Variants in TECTB observed in about 807,000 individuals in gnomAD.
TECTB encodes tectorin beta.
A neutral mutation model predicts 43.3 loss-of-function variants in TECTB; 45 were observed. That is an observed-to-expected ratio of 1.04 (90% CI 0.82 to 1.33). The LOEUF is 1.33. Among genes scored for constraint, TECTB ranks in the 40% most tolerant of loss-of-function variants. The pLI is 0.00. For synonymous variants in TECTB, 169 were observed against 156.7 expected, an observed-to-expected ratio of 1.08 and a Z score of -0.59; for missense variants, 399 against 404.7, an observed-to-expected ratio of 0.99 and a Z score of 0.12.
intron 9 of TECTB, among the ~76,000 whole-genome samples, chr10:112,301,293 A>C (rs1446112434): frequency 6.6e-6 from 1 of 151,994 alleles, no homozygotes; most frequent in Non-Finnish European, 1.5e-5. Context: ...TTGTAGTCCC[A>C]GTACTTGGGA....
At chr10:112,297,937 C>T in intron 7 of TECTB, 132 bp from the exon 8 acceptor site, 2 of 1,172,872 alleles carry the variant, frequency 1.7e-6, no homozygotes, top group Non-Finnish European at 2.5e-6. Context: ...AAGTGAGGTG[C>T]TGCTAATCAA....
At chr10:112,297,938 T>C in intron 7 of TECTB, 131 bp from the exon 8 acceptor site, 2 of 1,196,018 alleles carry the variant, frequency 1.7e-6, no homozygotes, top group Non-Finnish European at 2.4e-6. Flanking sequence ...AGTGAGGTGC[T>C]GCTAATCAAA....
At chr10:112,300,222 G>GAAAGAAAA in intron 9 of TECTB, among the ~76,000 whole-genome samples, 3 of 64,652 alleles carry the variant, frequency 4.6e-5, no homozygotes, top group Admixed American at 4.2e-4. Flanking sequence ...CAGACAGACA[G>GAAAGAAAA]AAAGAAATAA....
chr10:112,286,329 G>A lies in TECTB; in HGVS notation c.421G>A (p.Val141Ile). The change falls in exon 5 of 11, where the codon GTT becomes ATT. Residue 141 changes from valine to isoleucine, a missense_variant. Physicochemically the swap from Val to Ile is conservative, Grantham distance 29. Coordinates refer to ENST00000646139, the MANE Select transcript of TECTB (RefSeq NM_058222.3). ...CTCTCCCCTTTTCAGAGTGGCCACT[G>A]TTCACGTGAAGAACGGGAGCATGGG... ...QAAFDQRVAT[V>I]HVKNGSMGTF... 6.2e-7 allele frequency: 1 copy of A among 1,612,206 alleles called. No homozygotes were observed. Among genetic ancestry groups the A allele is most frequent in the Non-Finnish European group, 8.5e-7 (1 of 1,178,366 alleles).
At chr10:112,300,118 C>T (rs1176666768) in intron 9 of TECTB, among the ~76,000 whole-genome samples, 7 of 146,210 alleles carry the variant, frequency 4.8e-5, no homozygotes, top group African/African-American at 7.6e-5. Context: ...GCTGAGATCG[C>T]GCCATTGTAC....
chr10:112,301,780 G>T (rs574740577), intron 9 of TECTB, among the ~76,000 whole-genome samples: 4 of 152,068 alleles, frequency 2.6e-5, no homozygotes, highest in Non-Finnish European at 4.4e-5. Flanking sequence ...TGTCGCCCAG[G>T]TTGGAGTGCA....
At chr10:112,283,538 A>C in intron 1 of TECTB, 42 bp downstream of exon 1, 1 of 583,842 alleles carries the variant, frequency 1.7e-6, no homozygotes, top group Non-Finnish European at 3.0e-6. Context: ...AACAGGAAAC[A>C]ATTAGAAACG....
At chr10:112,299,010 C>G (rs2133356721) in intron 8 of TECTB, among the ~76,000 whole-genome samples, 1 of 152,126 alleles carries the variant, frequency 6.6e-6, no homozygotes, top group African/African-American at 2.4e-5. Flanking sequence ...GCACAAACAG[C>G]AAAAGGGAAA....
At chr10:112,295,445 G>A (rs767087877) in intron 7 of TECTB, among the ~76,000 whole-genome samples, 1 of 152,202 alleles carries the variant, frequency 6.6e-6, no homozygotes, top group Non-Finnish European at 1.5e-5. Context: ...GTCCAGAAAT[G>A]TGCCCAAGAT....
Position 112,304,551 on chromosome 10 carries a change from T to A in TECTB, c.*1239T>A, listed in dbSNP as rs1165320279. 1.3e-5 allele frequency: 2 copies of A among 152,262 alleles called. No individual in the cohort carries two copies. The highest frequency in any genetic ancestry group is 1.3e-4 in the Admixed American group (2 of 15,288). The allele number at this position is 152,262 out of a possible 1,614,324, so 9.4% of individuals were successfully genotyped here. A position where few individuals can be genotyped will look rare whatever the true frequency, so the allele number is the denominator to read the frequency against. On this transcript the variant is annotated 3_prime_UTR_variant, in exon 11 of 11. Transcript: ENST00000646139. ...AAAGGCAGAGTTCTAAGTCCTTAGT[T>A]ATGTAAAGACTTAATTAGTAGGCTT...
rs765044644 is a variant in TECTB, at chr10:112,299,518, G to T, written c.861G>T (p.Leu287=). The T allele has an allele frequency of 1.2e-6, 2 of 1,614,232 alleles. No homozygotes were observed. The highest frequency in any genetic ancestry group is 1.7e-6 in the Non-Finnish European group (2 of 1,180,032). ...CCTGCGATAAACGGAAGCGCCTCCT[G>T]CGAGACCAGACCGGGGGAGTCCTGG... is the stretch of plus-strand genomic sequence containing the variant. ...PVTCDKRKRL[L]RDQTGGVLVV... Residue 287 remains leucine, a synonymous_variant, in exon 9 of 11, where the codon CTG becomes CTT. Coordinates refer to ENST00000646139, the MANE Select transcript of TECTB (RefSeq NM_058222.3).
At chr10:112,302,355 A>G in intron 10 of TECTB, 1 of 497,852 alleles carries the variant, frequency 2.0e-6, no homozygotes, top group Non-Finnish European at 3.5e-6. Flanking sequence ...AAATCGGATG[A>G]AGCAGAACTG....
At chr10:112,292,503 T>C (rs916879852) in intron 5 of TECTB, among the ~76,000 whole-genome samples, 1 of 152,092 alleles carries the variant, frequency 6.6e-6, no homozygotes, top group Admixed American at 6.5e-5. Context: ...GGTGTAATCT[T>C]GGCTCATGGC....
chr10:112,299,657 T>C, intron 9 of TECTB, 93 bp downstream of exon 9: 5 of 1,423,074 alleles, frequency 3.5e-6, no homozygotes, highest in Non-Finnish European at 3.9e-6. Context: ...TTTTACTGAA[T>C]TGCCAAACCA....
At chr10:112,301,332 G>A (rs964830296) in intron 9 of TECTB, among the ~76,000 whole-genome samples, 2 of 151,870 alleles carry the variant, frequency 1.3e-5, no homozygotes, top group Middle Eastern at 3.2e-3. Flanking sequence ...ACTTGAACCT[G>A]GGAGGCAGAG....
At chr10:112,299,418 C>T in intron 8 of TECTB, 74 bp from the exon 9 acceptor site, 2 of 1,421,298 alleles carry the variant, frequency 1.4e-6, no homozygotes, top group Non-Finnish European at 2.0e-6. Flanking sequence ...TCTTTTCTTT[C>T]TCTTTTCTCC....
intron 5 of TECTB, among the ~76,000 whole-genome samples, chr10:112,293,125 C>G (rs1315886303): frequency 6.6e-6 from 1 of 152,238 alleles, no homozygotes; most frequent in Non-Finnish European, 1.5e-5. Flanking sequence ...TACTTACTTA[C>G]TGTTTGTCTC....
chr10:112,295,873 T>C (rs1037206386), intron 7 of TECTB, among the ~76,000 whole-genome samples: 1 of 152,188 alleles, frequency 6.6e-6, no homozygotes, highest in Non-Finnish European at 1.5e-5. Context: ...TTGGGTGGTC[T>C]GCACAATTGT....
chr10:112,300,234 G>GAA (rs1457777701), intron 9 of TECTB, among the ~76,000 whole-genome samples: 3 of 34,256 alleles, frequency 8.8e-5, no homozygotes, highest in Non-Finnish European at 1.7e-4. Context: ...AAGAAATAAA[G>GAA]AAAGAAAGAA....
Sources: allele counts gnomAD v4.1 joint callset (sites outside exome capture counted in the v4.1 genomes callset), GRCh38; gene constraint gnomAD v4.1.1; transcripts MANE v1.5; gene names NCBI Gene and HGNC (gene_info 2026-07-23, HGNC 2026-07-21).